ELAPOR2: variants seen among roughly 807,000 people sequenced by gnomAD.
The protein encoded by ELAPOR2 is endosome/lysosome-associated apoptosis and autophagy regulator family member 2.
ELAPOR2 carries 89 observed loss-of-function variants against 120.7 expected under a neutral mutation model. That is an observed-to-expected ratio of 0.74 (90% CI 0.62 to 0.88). The LOEUF (loss-of-function observed/expected upper bound fraction) is 0.88, where lower values mean the gene tolerates loss of function less well. Ranked by LOEUF, ELAPOR2 falls within the 40% of genes least tolerant of loss-of-function variation. The probability of loss-of-function intolerance (pLI) is 0.00; values close to 1 mark genes in which losing one functional copy is unlikely to be tolerated. For missense variants in ELAPOR2, 1,134 were observed against 1,251.6 expected (o/e 0.91, Z 1.42); for synonymous variants, 444 against 444.9 (o/e 1.00, Z 0.03).
chr7:86,984,947 TAAA>T (rs2116571046), intron 1 of ELAPOR2, among the ~76,000 whole-genome samples: 1 of 151,036 alleles, frequency 6.6e-6, no homozygotes, highest in Non-Finnish European at 1.5e-5. Flanking sequence ...GCAAGACTAA[TAAA>T]GAAGAAAAGA....
chr7:87,024,687 C>G (rs968318781), intron 1 of ELAPOR2, among the ~76,000 whole-genome samples: 1 of 152,092 alleles, frequency 6.6e-6, no homozygotes, highest in Non-Finnish European at 1.5e-5. Context: ...GTGAATCCAT[C>G]TGGTCCTGGA....
intron 17 of ELAPOR2, 150 bp from the exon 18 acceptor site, chr7:86,907,921 A>C: frequency 2.1e-6 from 1 of 467,962 alleles, no homozygotes; most frequent in Admixed American, 4.3e-5. Context: ...ATACAAATTC[A>C]GCTCATTTAC....
intron 11 of ELAPOR2, 121 bp from the exon 12 acceptor site, chr7:86,918,665 T>C (rs1789680230): frequency 1.6e-6 from 1 of 638,198 alleles, no homozygotes; most frequent in Non-Finnish European, 2.8e-6. Context: ...AATCTACCAC[T>C]TCCCTCACCC....
intron 2 of ELAPOR2, among the ~76,000 whole-genome samples, chr7:86,964,349 A>T (rs1791828755): frequency 6.6e-6 from 1 of 152,196 alleles, no homozygotes. Flanking sequence ...GTTGTACTTC[A>T]AACCTCCCAA....
At chr7:86,948,351 C>A (rs554542750) in intron 2 of ELAPOR2, among the ~76,000 whole-genome samples, 1 of 152,282 alleles carries the variant, frequency 6.6e-6, no homozygotes, top group African/African-American at 2.4e-5. Flanking sequence ...TGTTATAATA[C>A]CTCCATTAAA....
At chr7:87,040,353 G>A (rs1435194964) in intron 1 of ELAPOR2, among the ~76,000 whole-genome samples, 1 of 152,224 alleles carries the variant, frequency 6.6e-6, no homozygotes, top group East Asian at 1.9e-4. Flanking sequence ...AGTAACCTCT[G>A]CAGACTTAAA....
chr7:87,012,411 A>T (rs1466943428), intron 1 of ELAPOR2, among the ~76,000 whole-genome samples: 2 of 152,130 alleles, frequency 1.3e-5, no homozygotes, highest in African/African-American at 4.8e-5. Flanking sequence ...TCCTTCTCAA[A>T]AAGAAATTAA....
At chr7:87,006,512 T>A (rs1793482163) in intron 1 of ELAPOR2, among the ~76,000 whole-genome samples, 1 of 152,022 alleles carries the variant, frequency 6.6e-6, no homozygotes, top group Admixed American at 6.6e-5. Flanking sequence ...ACCCCATAAC[T>A]TAAAGTATAA....
chr7:86,939,846 G>T (rs186786171), intron 6 of ELAPOR2, among the ~76,000 whole-genome samples, 164 bp downstream of exon 6: 3 of 151,972 alleles, frequency 2.0e-5, no homozygotes, highest in Non-Finnish European at 4.4e-5. Flanking sequence ...AACAACTGTC[G>T]ATTTCTTGGG....
chr7:86,989,710 T>C (rs1336856181), intron 1 of ELAPOR2, among the ~76,000 whole-genome samples: 1 of 152,188 alleles, frequency 6.6e-6, no homozygotes, highest in Non-Finnish European at 1.5e-5. Context: ...GGAATCCCTT[T>C]ATTGAGCTCT....
intron 1 of ELAPOR2, among the ~76,000 whole-genome samples, chr7:86,973,210 T>C (rs1352490280): frequency 6.6e-6 from 1 of 152,204 alleles, no homozygotes; most frequent in African/African-American, 2.4e-5. Context: ...ACCATTGGCC[T>C]GAGGATAAAG....
intron 1 of ELAPOR2, among the ~76,000 whole-genome samples, chr7:86,971,573 T>C (rs1792108775): frequency 6.6e-6 from 1 of 152,186 alleles, no homozygotes; most frequent in Non-Finnish European, 1.5e-5. Context: ...CTAATTACAT[T>C]TAAACTTATT....
chr7:87,013,137 T>G (rs1456271922), intron 1 of ELAPOR2, among the ~76,000 whole-genome samples: 1 of 152,172 alleles, frequency 6.6e-6, no homozygotes, highest in Non-Finnish European at 1.5e-5. Flanking sequence ...CAAGAATATA[T>G]GCAAAAATGG....
At chr7:87,032,042 G>A (rs1287063220) in intron 1 of ELAPOR2, among the ~76,000 whole-genome samples, 1 of 152,120 alleles carries the variant, frequency 6.6e-6, no homozygotes. Flanking sequence ...TGGAGGAAGG[G>A]TTAGATTACA....
chr7:86,943,470 T>C (rs1790883180), intron 4 of ELAPOR2, among the ~76,000 whole-genome samples: 1 of 152,038 alleles, frequency 6.6e-6, no homozygotes. Context: ...CATGAAGTTT[T>C]GACCTTCTGA....
chr7:86,981,658 C>T (rs1018605722), intron 1 of ELAPOR2, among the ~76,000 whole-genome samples: 2 of 152,240 alleles, frequency 1.3e-5, no homozygotes, highest in African/African-American at 4.8e-5. Context: ...GCACCTCCTT[C>T]TGGGAATACT....
At chr7:87,006,149 T>C (rs1399567565) in intron 1 of ELAPOR2, among the ~76,000 whole-genome samples, 1 of 152,132 alleles carries the variant, frequency 6.6e-6, no homozygotes, top group Non-Finnish European at 1.5e-5. Context: ...GGCTAAAATT[T>C]ACCAGAATGA....
At chr7:86,950,795 A>T (rs1791213122) in intron 2 of ELAPOR2, among the ~76,000 whole-genome samples, 1 of 152,170 alleles carries the variant, frequency 6.6e-6, no homozygotes, top group African/African-American at 2.4e-5. Flanking sequence ...CCTGAGCAAA[A>T]CTCAGGCAAA....
At chr7:86,924,616 A>G (rs2116214811) in intron 10 of ELAPOR2, among the ~76,000 whole-genome samples, 1 of 152,036 alleles carries the variant, frequency 6.6e-6, no homozygotes, top group South Asian at 2.1e-4. Context: ...AATGAAGACT[A>G]GCTCACATTT....
Sources: allele counts gnomAD v4.1 joint callset (sites outside exome capture counted in the v4.1 genomes callset), GRCh38; gene constraint gnomAD v4.1.1; transcripts MANE v1.5; gene names NCBI Gene and HGNC (gene_info 2026-07-23, HGNC 2026-07-21).